Variants in SLIT2 observed in about 807,000 individuals in gnomAD.
The protein encoded by SLIT2 is slit homolog 2 protein.
Under a neutral mutation model 185.7 loss-of-function variants are expected in SLIT2, and 41 were observed. The ratio of observed to expected loss-of-function variants is 0.22; its 90% CI spans 0.17 to 0.29. The LOEUF (loss-of-function observed/expected upper bound fraction) is 0.29. Ranked by LOEUF, SLIT2 falls within the 10% of genes least tolerant of loss-of-function variation. The pLI is 1.00. For synonymous variants in SLIT2, 693 were observed against 680.2 expected, an observed-to-expected ratio of 1.02 and a Z score of -0.29; for missense variants, 1,571 against 1,909.0, an observed-to-expected ratio of 0.82 and a Z score of 3.30.
intron 5 of SLIT2, among the ~76,000 whole-genome samples, chr4:20,477,355 C>T (rs542150806): frequency 5.9e-5 from 9 of 152,142 alleles, no homozygotes; most frequent in Admixed American, 3.3e-4. Context: ...CCCACCGCCA[C>T]GCCTGGCTAA....
intron 1 of SLIT2, among the ~76,000 whole-genome samples, chr4:20,255,328 T>A (rs1711699484): frequency 6.6e-6 from 1 of 152,218 alleles, no homozygotes; most frequent in South Asian, 2.1e-4. Flanking sequence ...GAGCCACCTT[T>A]TGCTTTGCAA....
At chr4:20,366,269 C>G (rs1465812782) in intron 4 of SLIT2, among the ~76,000 whole-genome samples, 1 of 152,084 alleles carries the variant, frequency 6.6e-6, no homozygotes, top group Non-Finnish European at 1.5e-5. Context: ...GTTCTCAACA[C>G]TTCGTACAAT....
intron 4 of SLIT2, among the ~76,000 whole-genome samples, chr4:20,337,143 A>G (rs911234162): frequency 2.0e-5 from 3 of 152,112 alleles, no homozygotes; most frequent in East Asian, 3.9e-4. Context: ...GTCTGTTTTC[A>G]CTCTGCTGAT....
At chr4:20,518,497 C>T (rs559307020) in intron 11 of SLIT2, among the ~76,000 whole-genome samples, 20 of 122,936 alleles carry the variant, frequency 1.6e-4, no homozygotes, top group East Asian at 1.5e-3. Flanking sequence ...CGTGATCCGC[C>T]GGCCTCGGCC....
At chr4:20,357,453 T>C (rs1000170872) in intron 4 of SLIT2, among the ~76,000 whole-genome samples, 1 of 152,150 alleles carries the variant, frequency 6.6e-6, no homozygotes, top group Non-Finnish European at 1.5e-5. Context: ...ATTAGAGATA[T>C]GCTATTTTTC....
intron 4 of SLIT2, among the ~76,000 whole-genome samples, chr4:20,280,029 A>C (rs1158237254): frequency 1.3e-5 from 2 of 152,084 alleles, no homozygotes; most frequent in Non-Finnish European, 2.9e-5. Context: ...AAAGCACTGG[A>C]TCAGAAGCCA....
At chr4:20,545,375 C>G (rs779774601) in intron 21 of SLIT2, among the ~76,000 whole-genome samples, 3 of 151,656 alleles carry the variant, frequency 2.0e-5, no homozygotes, top group Non-Finnish European at 4.4e-5. Flanking sequence ...CCAGTTAGCC[C>G]AAAACCTATT....
At chr4:20,400,859 G>A (rs1239283528) in intron 4 of SLIT2, among the ~76,000 whole-genome samples, 1 of 151,770 alleles carries the variant, frequency 6.6e-6, no homozygotes, top group African/African-American at 2.4e-5. Context: ...AGATAAACAT[G>A]TGGATTGCCA....
chr4:20,338,542 T>C (rs1720696793), intron 4 of SLIT2, among the ~76,000 whole-genome samples: 1 of 152,080 alleles, frequency 6.6e-6, no homozygotes, highest in Admixed American at 6.6e-5. Context: ...ATAACAGAAA[T>C]AAGCAAGGAG....
At chr4:20,598,518 G>C (rs1021574957) in intron 33 of SLIT2, 123 bp downstream of exon 33, 6 of 1,081,898 alleles carry the variant, frequency 5.5e-6, no homozygotes, top group Non-Finnish European at 8.1e-6. Context: ...TTTAGGATGA[G>C]GGTATTAGTG....
chr4:20,428,072 C>T (rs959475090), intron 4 of SLIT2, among the ~76,000 whole-genome samples: 1 of 152,206 alleles, frequency 6.6e-6, no homozygotes, highest in African/African-American at 2.4e-5. Flanking sequence ...CTAAGTCTCA[C>T]AGGGAGTAAA....
chr4:20,253,704 T>G lies in SLIT2; in HGVS notation c.-112T>G. On this transcript the variant is annotated 5_prime_UTR_variant, in exon 1 of 37. Transcript: ENST00000504154. ...ATTTGGTGCACATTTTCCCTGGCAC[T>G]CTGGGTTGCTAGCCCCGCCGGGCAC... is the stretch of plus-strand genomic sequence containing the variant. The G allele has an allele frequency of 7.7e-7, 1 of 1,305,382 alleles. No homozygotes were observed. Among genetic ancestry groups the G allele is most frequent in the Non-Finnish European group, 1.1e-6 (1 of 940,880 alleles). The allele number at this position is 1,305,382 out of a possible 1,614,324, so 80.9% of individuals were successfully genotyped here. A position where few individuals can be genotyped will look rare whatever the true frequency, so the allele number is the denominator to read the frequency against.
At chr4:20,275,657 C>T (rs955140725) in intron 4 of SLIT2, among the ~76,000 whole-genome samples, 2 of 152,052 alleles carry the variant, frequency 1.3e-5, no homozygotes, top group Non-Finnish European at 2.9e-5. Context: ...TGCATTTGTA[C>T]CATGTTATTT....
chr4:20,569,546 T>A (rs756763761), intron 29 of SLIT2, among the ~76,000 whole-genome samples: 3 of 152,080 alleles, frequency 2.0e-5, no homozygotes, highest in Non-Finnish European at 4.4e-5. Flanking sequence ...ATGACACATC[T>A]CATTAGAGTA....
At chr4:20,556,703 A>T (rs909777071) in intron 26 of SLIT2, among the ~76,000 whole-genome samples, 15 of 151,592 alleles carry the variant, frequency 9.9e-5, no homozygotes, top group Non-Finnish European at 2.2e-4. Context: ...CATATCTCTC[A>T]CATTAAATCA....
chr4:20,602,200 A>G (rs748126335), intron 33 of SLIT2, among the ~76,000 whole-genome samples: 54 of 152,306 alleles, frequency 3.5e-4, no homozygotes, highest in Admixed American at 1.6e-3. Flanking sequence ...CTTTCTTTTA[A>G]TCTAGATAAG....
At chr4:20,511,587 A>ATTTTTTTTTTTTATTT (rs1553915354) in intron 11 of SLIT2, among the ~76,000 whole-genome samples, 6 of 82,214 alleles carry the variant, frequency 7.3e-5, no homozygotes, top group South Asian at 9.0e-4. Flanking sequence ...CATCCAGCTA[A>ATTTTTTTTTTTTATTT]TTTTTTTTTT....
chr4:20,297,865 T>A (rs1716640455), intron 4 of SLIT2, among the ~76,000 whole-genome samples: 1 of 152,160 alleles, frequency 6.6e-6, no homozygotes, highest in Admixed American at 6.5e-5. Context: ...CATAAAAGTT[T>A]TAATACCAGT....
intron 26 of SLIT2, among the ~76,000 whole-genome samples, chr4:20,563,328 A>T (rs1026301291): frequency 6.6e-6 from 1 of 151,834 alleles, no homozygotes; most frequent in African/African-American, 2.4e-5. Flanking sequence ...CGTGGCACAC[A>T]TCTCATGAAA....
Sources: gnomAD v4.1 joint callset for allele counts (sites outside exome capture counted in the v4.1 genomes callset) on GRCh38, gnomAD v4.1.1 for gene constraint, MANE v1.5 for transcripts, NCBI Gene and HGNC (gene_info 2026-07-23, HGNC 2026-07-21) for gene names.